KIAA1217: variants seen among roughly 807,000 people sequenced by gnomAD.
KIAA1217 encodes the protein sickle tail protein homolog.
Under a neutral mutation model 163.9 loss-of-function variants are expected in KIAA1217, and 88 were observed. The observed-to-expected ratio is 0.54, with a 90% CI of 0.45 to 0.64. The LOEUF (loss-of-function observed/expected upper bound fraction) is 0.64. Ranked by LOEUF, KIAA1217 falls within the 30% of genes least tolerant of loss-of-function variation. The pLI is 0.00. For missense variants in KIAA1217, 2,372 were observed against 2,475.0 expected (o/e 0.96, Z 0.88); for synonymous variants, 903 against 923.1 (o/e 0.98, Z 0.39).
At chr10:24,351,854 A>G (rs905574582) in intron 2 of KIAA1217, among the ~76,000 whole-genome samples, 7 of 152,180 alleles carry the variant, frequency 4.6e-5, no homozygotes, top group African/African-American at 1.7e-4. Context: ...TGCTGGAGCG[A>G]GATGGGCTCC....
chr10:24,398,489 G>A (rs1228248276), intron 3 of KIAA1217, among the ~76,000 whole-genome samples: 1 of 152,134 alleles, frequency 6.6e-6, no homozygotes, highest in Non-Finnish European at 1.5e-5. Flanking sequence ...TGACTGAGGG[G>A]CCTAAGGCAG....
At chr10:23,789,556 G>A (rs1292893967) in intron 1 of KIAA1217, among the ~76,000 whole-genome samples, 1 of 152,136 alleles carries the variant, frequency 6.6e-6, no homozygotes, top group African/African-American at 2.4e-5. Context: ...GTATTAATGA[G>A]GATTAAGTGA....
intron 1 of KIAA1217, among the ~76,000 whole-genome samples, chr10:23,932,769 CT>C (rs1272533204): frequency 1.3e-5 from 2 of 152,152 alleles, no homozygotes; most frequent in African/African-American, 4.8e-5. Flanking sequence ...TCATTACTTT[CT>C]AGTTGGCAGA....
intron 2 of KIAA1217, among the ~76,000 whole-genome samples, chr10:24,349,695 C>T (rs758660329): frequency 4.6e-5 from 7 of 152,160 alleles, no homozygotes; most frequent in Non-Finnish European, 8.8e-5. Flanking sequence ...AACCGAAAGC[C>T]ATTAAGGAAA....
Position 24,262,444 on chromosome 10 carries a change from G to A in KIAA1217, c.354+42535G>A, listed in dbSNP as rs554807974. 1.1e-4 allele frequency among the ~76,000 whole-genome samples: 17 copies of A among 152,042 alleles called. No individual in the cohort carries two copies. The South Asian group carries it at 1.9e-3, about 17-fold the overall frequency. ...AGATAGAGACCATCCTGGCTAATAC[G>A]GTGAAACTCCGTGTCTACTAAAAAT... On this transcript the variant is annotated intron_variant, in intron 2 of 20. Transcript: ENST00000376454.
At chr10:24,332,621 G>A (rs1170557233) in intron 2 of KIAA1217, among the ~76,000 whole-genome samples, 1 of 152,142 alleles carries the variant, frequency 6.6e-6, no homozygotes, top group East Asian at 1.9e-4. Flanking sequence ...ATTGATTTTA[G>A]GAGAGTTGCT....
intron 1 of KIAA1217, among the ~76,000 whole-genome samples, chr10:23,757,381 G>A (rs546802075): frequency 4.0e-5 from 6 of 151,686 alleles, no homozygotes; most frequent in African/African-American, 9.7e-5. Context: ...CACTAACACC[G>A]GTCATTTTTT....
intron 2 of KIAA1217, among the ~76,000 whole-genome samples, chr10:24,085,312 G>T (rs2061663148): frequency 6.6e-6 from 1 of 152,132 alleles, no homozygotes; most frequent in Non-Finnish European, 1.5e-5. Context: ...GGGTTTAAGG[G>T]AGTCACTGAA....
At chr10:24,108,179 T>C (rs536447821) in intron 2 of KIAA1217, among the ~76,000 whole-genome samples, 8 of 152,306 alleles carry the variant, frequency 5.3e-5, no homozygotes, top group East Asian at 1.9e-4. Flanking sequence ...TGTGTAACCA[T>C]AGGAATTGTT....
At chr10:24,131,776 A>C (rs1264175988) in intron 2 of KIAA1217, among the ~76,000 whole-genome samples, 1 of 152,228 alleles carries the variant, frequency 6.6e-6, no homozygotes. Context: ...AGAAAGGAAT[A>C]GATTGTGTAC....
intron 1 of KIAA1217, among the ~76,000 whole-genome samples, chr10:23,856,588 G>A (rs1031696060): frequency 6.6e-5 from 10 of 152,374 alleles, no homozygotes; most frequent in African/African-American, 2.4e-4. Flanking sequence ...CTGTCTTTTT[G>A]TTTGTCTGTG....
At chr10:23,950,465 G>A (rs1278774118) in intron 1 of KIAA1217, among the ~76,000 whole-genome samples, 13 of 147,522 alleles carry the variant, frequency 8.8e-5, no homozygotes, top group African/African-American at 2.9e-4. Context: ...ACACATAAAC[G>A]ACTCAATCAC....
Position 24,545,419 on chromosome 10 carries a change from A to C in KIAA1217, c.5334+316A>C. 3 of 1,300,842 alleles carry C rather than the reference A, an allele frequency of 2.3e-6. No individual in the cohort carries two copies. The East Asian group carries it at 9.8e-5, about 43-fold the overall frequency. 80.6% of individuals were successfully genotyped at this position (1,300,842 alleles called of 1,614,324 possible). ...CTGAACACCTCGGGAAGCAGAGACA[A>C]ACCAACCTGTGGTTGAACTGCCCTT... On this transcript the variant is annotated intron_variant, in intron 20 of 20. Coordinates refer to ENST00000376454, the MANE Select transcript of KIAA1217 (RefSeq NM_019590.5).
intron 2 of KIAA1217, among the ~76,000 whole-genome samples, chr10:24,181,311 T>C (rs2066159893): frequency 6.6e-6 from 1 of 151,988 alleles, no homozygotes; most frequent in African/African-American, 2.4e-5. Context: ...TAAAGAGAAG[T>C]AGGACCTGGC....
intron 1 of KIAA1217, among the ~76,000 whole-genome samples, chr10:23,718,170 C>T: frequency 6.6e-6 from 1 of 152,112 alleles, no homozygotes; most frequent in East Asian, 1.9e-4. Flanking sequence ...GTTACCTTTG[C>T]ACCAACCTAA....
chr10:23,981,440 A>G (rs1222275065), intron 1 of KIAA1217, among the ~76,000 whole-genome samples: 1 of 152,186 alleles, frequency 6.6e-6, no homozygotes, highest in Non-Finnish European at 1.5e-5. Flanking sequence ...AAGTTTCTGT[A>G]TTTTTAACAT....
intron 1 of KIAA1217, among the ~76,000 whole-genome samples, chr10:23,756,619 T>G (rs1015116211): frequency 5.3e-5 from 8 of 152,328 alleles, no homozygotes; most frequent in African/African-American, 1.9e-4. Context: ...GGGACGATAG[T>G]TTTATTAAAT....
At chr10:24,458,401 C>G (rs1472139623) in intron 5 of KIAA1217, among the ~76,000 whole-genome samples, 1 of 152,156 alleles carries the variant, frequency 6.6e-6, no homozygotes, top group Non-Finnish European at 1.5e-5. Context: ...ATGAACATGG[C>G]TTGGTCTATT....
rs549932313 is a variant in KIAA1217 at position 23,932,431 on chromosome 10, A to G, written c.-320-74794A>G. ...TCTAGTCTTAAAAAAAAAAAAGTGC[A>G]ACTTTAGAGATTTGTGAAAACATTC... On this transcript the variant is annotated intron_variant, in intron 1 of 18. Transcript: ENST00000376462. Among the ~76,000 whole-genome samples the G allele has an allele frequency of 9.9e-4, 150 of 151,778 alleles. 1 individual carries two copies. Among genetic ancestry groups the G allele is most frequent in the Non-Finnish European group, 1.7e-3 (114 of 67,936 alleles).
Sources: allele counts gnomAD v4.1 joint callset (sites outside exome capture counted in the v4.1 genomes callset), GRCh38; gene constraint gnomAD v4.1.1; transcripts MANE v1.5; gene names NCBI Gene and HGNC (gene_info 2026-07-23, HGNC 2026-07-21).